Variants in PEX5L observed in about 807,000 individuals in gnomAD.
PEX5L encodes the protein PEX5-related protein.
A neutral mutation model predicts 84.0 loss-of-function variants in PEX5L; 30 were observed. That is an observed-to-expected ratio of 0.36 (90% CI 0.27 to 0.48). PEX5L has a LOEUF of 0.48. Among genes scored for constraint, PEX5L ranks in the 20% least tolerant of loss-of-function variants. PEX5L has a pLI of 0.99. For synonymous variants in PEX5L, 270 were observed against 283.1 expected (o/e 0.95, Z 0.46); for missense variants, 533 against 754.6 (o/e 0.71, Z 3.44).
intron 8 of PEX5L, among the ~76,000 whole-genome samples, chr3:179,856,393 T>C (rs1743955641): frequency 1.3e-5 from 2 of 152,204 alleles, no homozygotes; most frequent in African/African-American, 4.8e-5. Context: ...ATAATTTTAG[T>C]TAAACTCTGT....
chr3:179,905,308 T>C (rs1464503284), intron 2 of PEX5L, among the ~76,000 whole-genome samples: 1 of 150,950 alleles, frequency 6.6e-6, no homozygotes, highest in East Asian at 2.0e-4. Context: ...AGTCTCGCTC[T>C]GTCGCCCAGG....
chr3:180,000,805 CT>C, intron 1 of PEX5L, among the ~76,000 whole-genome samples: 1 of 152,120 alleles, frequency 6.6e-6, no homozygotes, highest in Admixed American at 6.5e-5. Flanking sequence ...TGGTGCATTT[CT>C]GGTTGTACGA....
chr3:179,982,239 T>C (rs1364527890), intron 1 of PEX5L, among the ~76,000 whole-genome samples: 1 of 152,198 alleles, frequency 6.6e-6, no homozygotes, highest in Non-Finnish European at 1.5e-5. Flanking sequence ...AGTTTGATTC[T>C]TGCTTCTTAG....
At chr3:179,882,782 T>C (rs1341659190) in intron 4 of PEX5L, among the ~76,000 whole-genome samples, 1 of 152,200 alleles carries the variant, frequency 6.6e-6, no homozygotes, top group Non-Finnish European at 1.5e-5. Flanking sequence ...AGTATCTGTG[T>C]GCTTAAATTA....
At chr3:180,023,382 T>A (rs1280701088) in intron 1 of PEX5L, among the ~76,000 whole-genome samples, 1 of 152,174 alleles carries the variant, frequency 6.6e-6, no homozygotes, top group Non-Finnish European at 1.5e-5. Flanking sequence ...CAGGAAAATG[T>A]CTTATTTGCA....
At chr3:180,002,360 G>T (rs1225040124) in intron 1 of PEX5L, among the ~76,000 whole-genome samples, 1 of 152,028 alleles carries the variant, frequency 6.6e-6, no homozygotes, top group Non-Finnish European at 1.5e-5. Flanking sequence ...TCTTAGTTAT[G>T]CCTTTTCTCC....
chr3:180,023,079 G>A (rs1481182413), intron 1 of PEX5L, among the ~76,000 whole-genome samples: 2 of 152,156 alleles, frequency 1.3e-5, no homozygotes, highest in African/African-American at 4.8e-5. Flanking sequence ...TGGAGATATG[G>A]CCTGAATTTG....
At chr3:180,021,014 T>G (rs1790375794) in intron 1 of PEX5L, among the ~76,000 whole-genome samples, 2 of 149,172 alleles carry the variant, frequency 1.3e-5, no homozygotes, top group South Asian at 2.2e-4. Flanking sequence ...CACCAAGAAG[T>G]AGGGTAAGGG....
At chr3:179,827,473 C>T (rs10937011) in intron 8 of PEX5L, among the ~76,000 whole-genome samples, 84,660 of 151,984 alleles carry the variant, frequency 0.56, 24,150 homozygotes, top group East Asian at 0.73. Flanking sequence ...CATCTTCAGC[C>T]TTCAAGCCAC....
At chr3:179,853,808 C>A (rs1269657456) in intron 8 of PEX5L, among the ~76,000 whole-genome samples, 2 of 151,056 alleles carry the variant, frequency 1.3e-5, no homozygotes, top group Non-Finnish European at 3.0e-5. Flanking sequence ...TCTTCTTCTT[C>A]TTATTCTTCT....
intron 14 of PEX5L, among the ~76,000 whole-genome samples, chr3:179,802,550 A>AAAAAAAAAG (rs1553813985): frequency 2.1e-4 from 27 of 131,570 alleles, no homozygotes; most frequent in East Asian, 4.1e-4. Context: ...AAAAAAAAAA[A>AAAAAAAAAG]AAAAGAAAAG....
chr3:179,819,797 A>G, intron 9 of PEX5L, 63 bp downstream of exon 9: 1 of 1,411,934 alleles, frequency 7.1e-7, no homozygotes, highest in South Asian at 1.2e-5. Context: ...TGACTAATCT[A>G]TAAAATATGA....
chr3:179,818,520 T>C (rs986576776), intron 9 of PEX5L, among the ~76,000 whole-genome samples: 1 of 152,172 alleles, frequency 6.6e-6, no homozygotes, highest in African/African-American at 2.4e-5. Flanking sequence ...CAATATGCTA[T>C]AAAATACTAG....
At chr3:179,862,363 T>C (rs1328119101) in intron 7 of PEX5L, among the ~76,000 whole-genome samples, 1 of 152,206 alleles carries the variant, frequency 6.6e-6, no homozygotes, top group African/African-American at 2.4e-5. Flanking sequence ...GTATATTCGA[T>C]GAACAAATAT....
chr3:179,902,735 T>G (rs963481379), intron 2 of PEX5L: 5 of 446,806 alleles, frequency 1.1e-5, no homozygotes, highest in Admixed American at 7.5e-5. Flanking sequence ...GCCACTGGTG[T>G]AGTTGCAGAT....
chr3:180,002,127 A>C (rs1788479899), intron 1 of PEX5L, among the ~76,000 whole-genome samples: 1 of 152,112 alleles, frequency 6.6e-6, no homozygotes, highest in African/African-American at 2.4e-5. Flanking sequence ...TGAACTTCTC[A>C]ACTTTTTAAA....
chr3:179,957,624 C>T (rs1291612611), intron 2 of PEX5L, among the ~76,000 whole-genome samples: 2 of 152,162 alleles, frequency 1.3e-5, no homozygotes, highest in Non-Finnish European at 2.9e-5. Context: ...TTTCAGAGCA[C>T]AGAAATATAC....
intron 2 of PEX5L, among the ~76,000 whole-genome samples, chr3:179,914,498 T>A (rs904326705): frequency 6.6e-6 from 1 of 152,238 alleles, no homozygotes; most frequent in Non-Finnish European, 1.5e-5. Flanking sequence ...TATGATTTTC[T>A]TAAAGTTGGA....
rs192827616 is a variant in PEX5L, at chr3:179,920,172, G to A, written c.94-21926C>T. Among the ~76,000 whole-genome samples, 194 of 152,298 alleles carry A rather than the reference G, an allele frequency of 1.3e-3. 2 individuals carry two copies. Among genetic ancestry groups the A allele is most frequent in the African/African-American group, 4.5e-3 (188 of 41,548 alleles). ...CAAAACCAAGTGGAGTGGAAAGAGGGAGCCTCACAGTTCTGATCTGAGTGG... is the reference window on the plus strand; with the variant it reads ...CAAAACCAAGTGGAGTGGAAAGAGGAAGCCTCACAGTTCTGATCTGAGTGG... On this transcript the variant is annotated intron_variant, in intron 2 of 14. Coordinates refer to ENST00000467460, the MANE Select transcript of PEX5L (RefSeq NM_016559.3).
Sources: allele counts gnomAD v4.1 joint callset (sites outside exome capture counted in the v4.1 genomes callset), GRCh38; gene constraint gnomAD v4.1.1; transcripts MANE v1.5; gene names NCBI Gene and HGNC (gene_info 2026-07-23, HGNC 2026-07-21).